TFCP2: variants seen among roughly 807,000 people sequenced by gnomAD.
TFCP2 encodes the protein alpha-globin transcription factor CP2.
TFCP2 carries 33 observed loss-of-function variants against 73.4 expected under a neutral mutation model. The ratio of observed to expected loss-of-function variants is 0.45; its 90% CI spans 0.34 to 0.60. The LOEUF (loss-of-function observed/expected upper bound fraction) is 0.60. TFCP2 is among the 20% of genes least tolerant of loss of function. The probability of loss-of-function intolerance (pLI) is 0.01; values close to 1 mark genes in which losing one functional copy is unlikely to be tolerated. For synonymous variants in TFCP2, 193 were observed against 211.6 expected (o/e 0.91, Z 0.76); for missense variants, 352 against 604.0 (o/e 0.58, Z 4.37).
At chr12:51,162,263 T>C (rs1941665156) in intron 1 of TFCP2, among the ~76,000 whole-genome samples, 1 of 152,084 alleles carries the variant, frequency 6.6e-6, no homozygotes, top group African/African-American at 2.4e-5. Context: ...CTGGCCAACA[T>C]GGCAAATCCC....
intron 10 of TFCP2, 98 bp from the exon 11 acceptor site, chr12:51,102,123 ATGTTAC>A: frequency 1.2e-6 from 1 of 825,260 alleles, no homozygotes. Context: ...CATTACCAGA[ATGTTAC>A]AATCCATAAT....
intron 1 of TFCP2, among the ~76,000 whole-genome samples, chr12:51,138,594 C>G (rs556893815): frequency 9.2e-5 from 14 of 152,190 alleles, no homozygotes; most frequent in African/African-American, 3.4e-4. Context: ...ATAGGACTTA[C>G]GAACATTTCT....
Position 51,098,806 on chromosome 12 carries a change from TG to T in TFCP2, c.1388del (p.Pro463GlnfsTer12). On this transcript the variant is annotated frameshift_variant, in exon 13 of 15. Coordinates refer to ENST00000257915, the MANE Select transcript of TFCP2 (RefSeq NM_005653.5). LOFTEE classifies it high-confidence loss of function. ...CACTGATGAGCACATGAATTCCTGT[TG>T]GCCCCTGCTTGTAAATCTGGCTGAT... ...CQISQIYKQG[P>X]TGIHVLISDE... The T allele has an allele frequency of 3.7e-6, 6 of 1,614,122 alleles. No homozygotes were observed. The highest frequency in any genetic ancestry group is 5.1e-6 in the Non-Finnish European group (6 of 1,180,010).
intron 1 of TFCP2, among the ~76,000 whole-genome samples, chr12:51,126,094 G>A (rs1223995900): frequency 1.3e-5 from 2 of 151,926 alleles, no homozygotes; most frequent in African/African-American, 2.4e-5. Flanking sequence ...TTAGCCGGGC[G>A]TGGTGTTGGG....
At chr12:51,116,631 T>TTG (rs1940533909) in intron 3 of TFCP2, among the ~76,000 whole-genome samples, 1 of 152,104 alleles carries the variant, frequency 6.6e-6, no homozygotes, top group East Asian at 1.9e-4. Context: ...TTTTTTTTTT[T>TTG]TTTTGAAACA....
At position 51,109,102 on chromosome 12, in the gene TFCP2, G is replaced by T; in HGVS notation, c.717+19C>A. On this transcript the variant is annotated intron_variant, in intron 6 of 14. Coordinates refer to ENST00000257915, the MANE Select transcript of TFCP2 (RefSeq NM_005653.5). ...ATAAGGTAAAAGAATCCAAGGGCCAGCACATTGCCCAGGAATACCTTGAAA... is the reference window on the plus strand; with the variant it reads ...ATAAGGTAAAAGAATCCAAGGGCCATCACATTGCCCAGGAATACCTTGAAA... 6.2e-7 allele frequency: 1 copy of T among 1,612,904 alleles called. No individual in the cohort carries two copies. The highest frequency in any genetic ancestry group is 1.1e-5 in the South Asian group (1 of 90,980).
chr12:51,170,249 A>G (rs538543564), intron 1 of TFCP2, among the ~76,000 whole-genome samples: 20 of 152,336 alleles, frequency 1.3e-4, no homozygotes, highest in African/African-American at 4.3e-4. Flanking sequence ...ACTGCATGAT[A>G]GAACATATGG....
chr12:51,164,089 G>A (rs1941703823), intron 1 of TFCP2, among the ~76,000 whole-genome samples: 1 of 151,972 alleles, frequency 6.6e-6, no homozygotes, highest in Non-Finnish European at 1.5e-5. Flanking sequence ...TGTAGTCTCA[G>A]TTACTCAGGA....
At chr12:51,163,964 G>A (rs1005887105) in intron 1 of TFCP2, among the ~76,000 whole-genome samples, 1 of 151,944 alleles carries the variant, frequency 6.6e-6, no homozygotes, top group Non-Finnish European at 1.5e-5. Flanking sequence ...CAGCGCTTTG[G>A]GAGGCTGAGG....
chr12:51,138,047 C>G (rs913448879), intron 1 of TFCP2, among the ~76,000 whole-genome samples: 1 of 152,022 alleles, frequency 6.6e-6, no homozygotes, highest in African/African-American at 2.4e-5. Flanking sequence ...CAAAGTAGGA[C>G]AATCTCTCTA....
chr12:51,099,683 C>T lies in TFCP2; in HGVS notation c.1248G>A (p.Glu416=), dbSNP rs1393909327. 3 of 1,614,164 alleles carry T rather than the reference C, an allele frequency of 1.9e-6. No individual in the cohort carries two copies. The highest frequency in any genetic ancestry group is 2.5e-6 in the Non-Finnish European group (3 of 1,180,040). Residue 416 remains glutamate (E), a synonymous_variant, in exon 12 of 15, where the codon GAG becomes GAA. Transcript: ENST00000257915. The stretch of plus-strand genomic sequence containing the variant: ...AGAAAGTACCATTTGAGTCTCCATC[C>T]TCATGCTTCTGCTGCTGTTGCTGCT... ...QQQQQQQQKH[E]DGDSNGTFFV...
Position 51,108,194 on chromosome 12 carries a change from G to A in TFCP2, c.718-848C>T, listed in dbSNP as rs1444028825. On this transcript the variant is annotated intron_variant, in intron 6 of 14. Coordinates refer to ENST00000257915, the MANE Select transcript of TFCP2 (RefSeq NM_005653.5). ...CTAGGTGCTGGGGAGGCTGAGGCGT[G>A]AGAACAGCTTGAACCCAGGAGACGG... Among the ~76,000 whole-genome samples the A allele has an allele frequency of 7.9e-5, 12 of 151,886 alleles. No individual in the cohort carries two copies. In the East Asian group the frequency reaches 2.4e-3, roughly 30 times the overall value.
intron 5 of TFCP2, among the ~76,000 whole-genome samples, chr12:51,109,614 G>T (rs1270225764): frequency 1.3e-5 from 2 of 152,122 alleles, no homozygotes; most frequent in Admixed American, 1.3e-4. Flanking sequence ...TGTAGAAAGA[G>T]GAGTCACTAC....
At chr12:51,161,679 C>CAAAA (rs148272600) in intron 1 of TFCP2, among the ~76,000 whole-genome samples, 2 of 127,786 alleles carry the variant, frequency 1.6e-5, no homozygotes, top group South Asian at 2.5e-4. Flanking sequence ...GACTCTGTCT[C>CAAAA]AAAAAAAATA....
chr12:51,107,986 T>A (rs1474547019), intron 6 of TFCP2, among the ~76,000 whole-genome samples: 1 of 151,096 alleles, frequency 6.6e-6, no homozygotes, highest in East Asian at 2.0e-4. Flanking sequence ...TATAAAAGCA[T>A]AGGAAGGAAC....
chr12:51,099,599 TAA>T, intron 12 of TFCP2, 54 bp downstream of exon 12: 2 of 1,595,078 alleles, frequency 1.3e-6, no homozygotes, highest in Non-Finnish European at 1.7e-6. Context: ...CACATGCCCA[TAA>T]GTTATCTCTT....
chr12:51,152,879 T>C (rs1941458443), intron 1 of TFCP2, among the ~76,000 whole-genome samples: 1 of 152,212 alleles, frequency 6.6e-6, no homozygotes, highest in Admixed American at 6.6e-5. Context: ...CATATTGTTG[T>C]ACAACCATCA....
intron 1 of TFCP2, among the ~76,000 whole-genome samples, chr12:51,133,914 CCT>C (rs2137006290): frequency 9.5e-6 from 1 of 104,938 alleles, no homozygotes; most frequent in African/African-American, 3.5e-5. Context: ...AGGGCGAGAC[CCT>C]GTCTCAAAAA....
chr12:51,122,111 G>C (rs1940690858), intron 1 of TFCP2, among the ~76,000 whole-genome samples: 1 of 151,818 alleles, frequency 6.6e-6, no homozygotes, highest in Admixed American at 6.6e-5. Context: ...CAAATTTACT[G>C]GCATGAACAC....
Sources: gnomAD v4.1 joint callset for allele counts (sites outside exome capture counted in the v4.1 genomes callset) on GRCh38, gnomAD v4.1.1 for gene constraint, MANE v1.5 for transcripts, NCBI Gene and HGNC (gene_info 2026-07-23, HGNC 2026-07-21) for gene names.